ATP8A2: variants seen among roughly 807,000 people sequenced by gnomAD.
The protein encoded by ATP8A2 is phospholipid-transporting ATPase IB.
Under a neutral mutation model 165.6 loss-of-function variants are expected in ATP8A2, and 100 were observed. That is an observed-to-expected ratio of 0.60 (90% CI 0.51 to 0.71). The LOEUF (loss-of-function observed/expected upper bound fraction) is 0.71, where lower values mean the gene tolerates loss of function less well. Among genes scored for constraint, ATP8A2 ranks in the 30% least tolerant of loss-of-function variants. ATP8A2 has a pLI of 0.00. For synonymous variants in ATP8A2, 543 were observed against 548.8 expected (o/e 0.99, Z 0.15); for missense variants, 1,227 against 1,479.5 (o/e 0.83, Z 2.80).
In ATP8A2 at chr13:25,427,691, C is replaced by G. The variant is rs142971179; in HGVS notation, c.77-41286C>G. Among the ~76,000 whole-genome samples the G allele has an allele frequency of 4.0e-5, 6 of 151,126 alleles. No homozygotes were observed. The South Asian group carries it at 1.3e-3, about 32-fold the overall frequency. ...CAGGTGGAACATGAGGTCAAGAGAT[C>G]GAGACCATGCTGGCCAACATGGTGA... On this transcript the variant is annotated intron_variant, in intron 1 of 36. Coordinates refer to ENST00000381655, the MANE Select transcript of ATP8A2 (RefSeq NM_016529.6).
intron 33 of ATP8A2, among the ~76,000 whole-genome samples, chr13:25,887,667 A>G (rs1053140619): frequency 4.6e-5 from 7 of 152,230 alleles, no homozygotes; most frequent in Non-Finnish European, 7.3e-5. Context: ...TAATAAATTC[A>G]GACAAGAGAG....
chr13:25,414,433 A>G (rs1329230224), intron 1 of ATP8A2, among the ~76,000 whole-genome samples: 2 of 151,596 alleles, frequency 1.3e-5, no homozygotes, highest in Non-Finnish European at 2.9e-5. Flanking sequence ...CTCAGGTGAT[A>G]CTCCCTCCTT....
intron 35 of ATP8A2, among the ~76,000 whole-genome samples, chr13:25,979,246 A>G (rs1430776493): frequency 6.6e-6 from 1 of 152,234 alleles, no homozygotes; most frequent in Non-Finnish European, 1.5e-5. Context: ...TCATTGTAGC[A>G]GGAATCACTG....
intron 33 of ATP8A2, among the ~76,000 whole-genome samples, chr13:25,882,828 G>A (rs745449018): frequency 2.0e-5 from 3 of 151,972 alleles, no homozygotes; most frequent in African/African-American, 2.4e-5. Flanking sequence ...ATGGAGGGGC[G>A]CTATAAATGA....
At chr13:25,795,631 A>C (rs981527092) in intron 27 of ATP8A2, among the ~76,000 whole-genome samples, 2 of 152,230 alleles carry the variant, frequency 1.3e-5, no homozygotes, top group African/African-American at 4.8e-5. Context: ...TAGTCAACCT[A>C]ATTAGCAATT....
chr13:25,988,971 C>T (rs371272911), intron 35 of ATP8A2, among the ~76,000 whole-genome samples: 4 of 152,204 alleles, frequency 2.6e-5, no homozygotes, highest in African/African-American at 9.7e-5. Flanking sequence ...TATTCTTTTC[C>T]TCTTTGTGAG....
chr13:25,594,883 C>G (rs112182868), intron 24 of ATP8A2, among the ~76,000 whole-genome samples: 1 of 151,988 alleles, frequency 6.6e-6, no homozygotes, highest in Admixed American at 6.6e-5. Context: ...TACTTGCACA[C>G]ACATGTTTAT....
At chr13:25,817,240 C>T (rs1407752652) in intron 27 of ATP8A2, among the ~76,000 whole-genome samples, 3 of 151,936 alleles carry the variant, frequency 2.0e-5, no homozygotes, top group Non-Finnish European at 4.4e-5. Flanking sequence ...AAAAAATTTA[C>T]GAAGTCCTTG....
Position 25,540,309 on chromosome 13 carries a change from C to G in ATP8A2, c.582-10C>G. The G allele has an allele frequency of 6.2e-7, 1 of 1,609,376 alleles. No individual in the cohort carries two copies. On this transcript the variant is annotated splice_polypyrimidine_tract_variant and intron_variant, in intron 7 of 36. Coordinates refer to ENST00000381655, the MANE Select transcript of ATP8A2 (RefSeq NM_016529.6). Reference sequence around the variant, plus strand: ...TTATGAAACTTGGCTCTTTTTTTCTCTCTCCTTAGTGAACCTCAGGCAATG... The same window carrying G: ...TTATGAAACTTGGCTCTTTTTTTCTGTCTCCTTAGTGAACCTCAGGCAATG...
At chr13:25,863,966 T>G (rs1952430320) in intron 33 of ATP8A2, among the ~76,000 whole-genome samples, 1 of 152,248 alleles carries the variant, frequency 6.6e-6, no homozygotes, top group Non-Finnish European at 1.5e-5. Flanking sequence ...ATGAGCATTT[T>G]CCAACAAAGA....
chr13:25,381,435 A>G (rs528009013), intron 1 of ATP8A2, among the ~76,000 whole-genome samples: 1 of 152,234 alleles, frequency 6.6e-6, no homozygotes, highest in African/African-American at 2.4e-5. Flanking sequence ...TTCAAATACC[A>G]TTAGGTTGTG....
intron 1 of ATP8A2, among the ~76,000 whole-genome samples, chr13:25,411,760 G>A (rs868097663): frequency 1.3e-4 from 20 of 152,100 alleles, no homozygotes; most frequent in Non-Finnish European, 2.2e-4. Flanking sequence ...ATACTGGAAG[G>A]CAGCACACAT....
chr13:25,516,537 A>C (rs2037476422), intron 2 of ATP8A2, among the ~76,000 whole-genome samples: 1 of 152,154 alleles, frequency 6.6e-6, no homozygotes, highest in Non-Finnish European at 1.5e-5. Context: ...TCACACGCTG[A>C]CCTGTTGCGT....
At chr13:25,712,077 T>TGC (rs1488037911) in intron 25 of ATP8A2, among the ~76,000 whole-genome samples, 1 of 152,222 alleles carries the variant, frequency 6.6e-6, no homozygotes, top group African/African-American at 2.4e-5. Context: ...ATTTACAGAA[T>TGC]GCCCATTTCT....
intron 24 of ATP8A2, among the ~76,000 whole-genome samples, chr13:25,592,186 C>T (rs951147240): frequency 8.3e-6 from 1 of 120,304 alleles, no homozygotes; most frequent in Non-Finnish European, 1.7e-5. Context: ...CTATTCAATC[C>T]TTTGCCCATT....
At chr13:25,618,673 G>T in intron 24 of ATP8A2, among the ~76,000 whole-genome samples, 1 of 141,978 alleles carries the variant, frequency 7.0e-6, no homozygotes, top group Admixed American at 7.6e-5. Context: ...TTAAAGTTCT[G>T]ATAGTTAGAC....
chr13:25,542,666 C>T (rs1021854756), intron 9 of ATP8A2, among the ~76,000 whole-genome samples: 3 of 152,134 alleles, frequency 2.0e-5, no homozygotes, highest in African/African-American at 2.4e-5. Context: ...TATATTTTGA[C>T]GACCCAAGGC....
rs2037979622 is a variant in ATP8A2 at position 25,530,013 on chromosome 13, G to A, written c.236G>A (p.Ser79Asn). The change falls in exon 3 of 37, where the codon AGC becomes AAC. Residue 79 changes from serine (S) to asparagine (N), a missense_variant. Physicochemically the swap from Ser to Asn is conservative, Grantham distance 46. Coordinates refer to ENST00000381655, the MANE Select transcript of ATP8A2 (RefSeq NM_016529.6). ...TGCACTTACAGTACGGCCAAGTACA[G>A]CGTGTTGACATTTCTACCTCGATTC... is the stretch of plus-strand genomic sequence containing the variant. ...RDNQISTAKYSVLTFLPRFLY... is the reference protein window; with the variant it reads ...RDNQISTAKYNVLTFLPRFLY... 1 of 1,610,222 alleles carries A rather than the reference G, an allele frequency of 6.2e-7. No individual in the cohort carries two copies. The highest frequency in any genetic ancestry group is 1.1e-5 in the South Asian group (1 of 90,880).
intron 27 of ATP8A2, among the ~76,000 whole-genome samples, chr13:25,779,668 G>A (rs1593333957): frequency 6.6e-6 from 1 of 152,158 alleles, no homozygotes; most frequent in African/African-American, 2.4e-5. Flanking sequence ...GGCAAGCAGA[G>A]AACTTACATG....
Sources: gnomAD v4.1 joint callset for allele counts (sites outside exome capture counted in the v4.1 genomes callset) on GRCh38, gnomAD v4.1.1 for gene constraint, MANE v1.5 for transcripts, NCBI Gene and HGNC (gene_info 2026-07-23, HGNC 2026-07-21) for gene names.